The following HPS4 variants were observed in gnomAD, a reference collection of about 807,000 sequenced individuals.
HPS4 encodes HPS4 biogenesis of lysosomal organelles complex 3 subunit 2, also known as BLOC-3 complex member HPS4.
HPS4 carries 44 observed loss-of-function variants against 70.3 expected under a neutral mutation model. The ratio of observed to expected loss-of-function variants is 0.63; its 90% CI spans 0.49 to 0.80. HPS4 has a LOEUF of 0.80. Ranked by LOEUF, HPS4 falls within the 30% of genes least tolerant of loss-of-function variation. The pLI is 0.00. For missense variants in HPS4, 873 were observed against 884.4 expected, an observed-to-expected ratio of 0.99 and a Z score of 0.16; for synonymous variants, 377 against 355.9, an observed-to-expected ratio of 1.06 and a Z score of -0.67.
At position 26,457,891 on chromosome 22, in the gene HPS4, G is replaced by A; in HGVS notation, c.1923C>T (p.Ala641=). The A allele has an allele frequency of 1.9e-6, 3 of 1,614,248 alleles. No homozygotes were observed. The highest frequency in any genetic ancestry group is 1.7e-6 in the Non-Finnish European group (2 of 1,180,042). ...TCATTTCATAAAGCGCGGGCAGCTG[G>A]GCAAATTCGCTATGCATCAGGCTGA... ...QAVSLMHSEF[A]QLPALYEMTV... is the part of the protein sequence containing the mutation. The change falls in exon 13 of 14, where the codon GCC becomes GCT. Residue 641 remains alanine, a synonymous_variant. Transcript: ENST00000398145.
At chr22:26,465,005 G>C (rs780330250) in intron 10 of HPS4, among the ~76,000 whole-genome samples, 179 bp from the exon 11 acceptor site, 8 of 152,190 alleles carry the variant, frequency 5.3e-5, no homozygotes, top group Non-Finnish European at 8.8e-5. Context: ...CTGGCCCTTG[G>C]GGCTTTACGT....
chr22:26,449,152 AT>A (rs368506179), downstream of HPS4, among the ~76,000 whole-genome samples: 316 of 151,840 alleles, frequency 2.1e-3, 1 homozygote, highest in African/African-American at 6.9e-3. Flanking sequence ...CCCAAACCTC[AT>A]CAGTGCCCAG....
rs983626889 is a variant in HPS4 at position 26,458,515 on chromosome 22, C to G, written c.1776G>C (p.Arg592Ser). Residue 592 changes from arginine (R) to serine (S), a missense_variant, in exon 12 of 14, where the codon AGG (arginine) becomes AGC (serine). Physicochemically the swap from Arg to Ser is moderately radical, Grantham distance 110 (BLOSUM62 -1). Transcript: ENST00000398145. ...TGCTGCTCGTGGAGGCTGCCTCATC[C>G]CTGGGCAGCGTCTCTTTCAGGTGGA... is the stretch of plus-strand genomic sequence containing the variant. ...LEVHLKETLPRDEAASTSSTY... is the reference protein window; with the variant it reads ...LEVHLKETLPSDEAASTSSTY... The G allele has an allele frequency of 1.9e-6, 3 of 1,614,102 alleles. No individual in the cohort carries two copies. The Admixed American group carries it at 5.0e-5, about 27-fold the overall frequency.
At chr22:26,482,325 A>T (rs185475051) in intron 1 of HPS4, 85 bp from the exon 2 acceptor site, 1 of 155,808 alleles carries the variant, frequency 6.4e-6, no homozygotes, top group African/African-American at 2.4e-5. Context: ...GTATATTTCA[A>T]AAGAGCTTTC....
chr22:26,458,493 T>C lies in HPS4; in HGVS notation c.1798A>G (p.Ser600Gly), dbSNP rs1172542378. 1.9e-6 allele frequency: 3 copies of C among 1,614,162 alleles called. No homozygotes were observed. Residue 600 changes from serine to glycine, a missense_variant, in exon 12 of 14, where the codon AGC becomes GGC. Coordinates refer to ENST00000398145, the MANE Select transcript of HPS4 (RefSeq NM_022081.6). ...LPRDEAASTS[S>G]TYNFTHYDRI... is the part of the protein sequence containing the mutation. ...TCGTAATGTGTGAAGTTGTAGGTGC[T>C]GCTCGTGGAGGCTGCCTCATCCCTG...
intron 7 of HPS4, among the ~76,000 whole-genome samples, chr22:26,470,213 C>A (rs1380064951): frequency 1.3e-5 from 2 of 152,234 alleles, no homozygotes; most frequent in Non-Finnish European, 2.9e-5. Context: ...CCTCCAACTA[C>A]ATGAAGAAGT....
chr22:26,459,975 A>T (rs1192072388), intron 11 of HPS4, among the ~76,000 whole-genome samples: 1 of 152,260 alleles, frequency 6.6e-6, no homozygotes, highest in Non-Finnish European at 1.5e-5. Context: ...TGCAAACAGA[A>T]TGCTTCTGAA....
chr22:26,466,937 T>C (rs572932845), intron 8 of HPS4: 5 of 153,696 alleles, frequency 3.3e-5, no homozygotes, highest in Admixed American at 3.2e-4. Flanking sequence ...TTTAAAAAAC[T>C]ATGTTTTAGA....
intron 2 of HPS4, chr22:26,479,710 C>T (rs1267533188): frequency 9.2e-7 from 1 of 1,089,984 alleles, no homozygotes; most frequent in Non-Finnish European, 1.1e-6. Context: ...GCTCTGATAA[C>T]AAAATAAGTT....
chr22:26,446,617 A>T (rs1416671964), downstream of HPS4, among the ~76,000 whole-genome samples: 1 of 152,218 alleles, frequency 6.6e-6, no homozygotes, highest in African/African-American at 2.4e-5. Flanking sequence ...GTGAGTAGCA[A>T]GAATGATAAG....
At chr22:26,461,454 C>T (rs969148045) in intron 11 of HPS4, among the ~76,000 whole-genome samples, 2 of 152,122 alleles carry the variant, frequency 1.3e-5, no homozygotes, top group African/African-American at 4.8e-5. Flanking sequence ...CCAATCCCAA[C>T]CCTCCTGGCT....
Position 26,472,929 on chromosome 22 carries a change from C to T in HPS4, c.287G>A (p.Cys96Tyr), listed in dbSNP as rs1380753022. The T allele has an allele frequency of 9.3e-6, 15 of 1,614,002 alleles. No individual in the cohort carries two copies. Among genetic ancestry groups the T allele is most frequent in the Admixed American group, 1.7e-5 (1 of 60,008 alleles). ...VDGDYLWVLG[C>Y]AVELPDVSCK... Reference sequence around the variant, plus strand: ...GCTGACATCAGGGAGCTCCACAGCACAGCCCAGCACCTGTAAAGAGAGAAA... The same window carrying T: ...GCTGACATCAGGGAGCTCCACAGCATAGCCCAGCACCTGTAAAGAGAGAAA... The change falls in exon 5 of 14, where the codon TGT (cysteine) becomes TAT (tyrosine). Residue 96 changes from cysteine (C) to tyrosine (Y), a missense_variant. By Grantham distance (194) the Cys-to-Tyr change is radical. Transcript: ENST00000398145.
At position 26,468,086 on chromosome 22, in the gene HPS4, T is replaced by G. The variant is rs2089033630; in HGVS notation, c.669+465A>C. ...ACCCAGCTAATTTTTGTATTTTAAA[T>G]AGAGATGGGTTTCATCATGTTGGCC... is the stretch of plus-strand genomic sequence containing the variant. On this transcript the variant is annotated intron_variant, in intron 8 of 13. Transcript: ENST00000398145. The G allele has an allele frequency of 1.8e-5, 3 of 171,330 alleles. No homozygotes were observed. The South Asian group carries it at 3.9e-4, about 23-fold the overall frequency. 10.6% of individuals were successfully genotyped at this position (171,330 alleles called of 1,614,324 possible).
intron 11 of HPS4, among the ~76,000 whole-genome samples, chr22:26,462,988 T>C (rs1407834370): frequency 6.6e-6 from 1 of 152,226 alleles, no homozygotes; most frequent in East Asian, 1.9e-4. Flanking sequence ...AGCTCATTTA[T>C]GGAGGGTCAC....
chr22:26,483,290 G>C (rs2091483933), intron 1 of HPS4, among the ~76,000 whole-genome samples: 1 of 152,204 alleles, frequency 6.6e-6, no homozygotes, highest in Non-Finnish European at 1.5e-5. Context: ...TCTTATCTCT[G>C]AAAGGTCCAG....
In HPS4 at chr22:26,479,686, C is replaced by T. The variant is rs535597282; in HGVS notation, c.42-331G>A. The T allele has an allele frequency of 2.6e-4, 301 of 1,149,670 alleles. No homozygotes were observed. In the African/African-American group the frequency reaches 4.1e-3, roughly 16 times the overall value. The allele number at this position is 1,149,670 out of a possible 1,614,324, so 71.2% of individuals were successfully genotyped here. A position where few individuals can be genotyped will look rare whatever the true frequency, so the allele number is the denominator to read the frequency against. On this transcript the variant is annotated intron_variant, in intron 2 of 13. Transcript: ENST00000398145. ...AACTATACAACCACATGGTCTGATA[C>T]GCTGTCTTTTAAGGCTCTGATAACA...
chr22:26,455,759 TGG>T, intron 13 of HPS4, among the ~76,000 whole-genome samples: 1 of 149,270 alleles, frequency 6.7e-6, no homozygotes, highest in African/African-American at 2.5e-5. Context: ...AAAAAAGAAA[TGG>T]TAGCTGTTGT....
At chr22:26,463,839 T>C (rs2087842133) in intron 11 of HPS4, 78 bp downstream of exon 11, 5 of 1,458,626 alleles carry the variant, frequency 3.4e-6, no homozygotes, top group Non-Finnish European at 4.8e-6. Flanking sequence ...TCCCTGGGTG[T>C]TGGCACAGTG....
chr22:26,455,072 T>C (rs1309452876), intron 13 of HPS4, among the ~76,000 whole-genome samples: 1 of 152,060 alleles, frequency 6.6e-6, no homozygotes, highest in Non-Finnish European at 1.5e-5. Flanking sequence ...CATTAAAAAG[T>C]CAGGAAACAA....
Sources: allele counts gnomAD v4.1 joint callset (sites outside exome capture counted in the v4.1 genomes callset), GRCh38; gene constraint gnomAD v4.1.1; transcripts MANE v1.5; gene names NCBI Gene and HGNC (gene_info 2026-07-23, HGNC 2026-07-21).